Variants in SSBP3 observed in about 807,000 individuals in gnomAD.
SSBP3 encodes the protein single stranded DNA binding protein 3, also known as single-stranded DNA-binding protein 3.
SSBP3 carries 5 observed loss-of-function variants against 69.6 expected under a neutral mutation model. The ratio of observed to expected loss-of-function variants is 0.07; its 90% CI spans 0.04 to 0.15. The LOEUF is 0.15. Among genes scored for constraint, SSBP3 ranks in the 10% least tolerant of loss-of-function variants. The pLI is 1.00. For missense variants in SSBP3, 312 were observed against 534.0 expected, an observed-to-expected ratio of 0.58 and a Z score of 4.10; for synonymous variants, 196 against 193.4, an observed-to-expected ratio of 1.01 and a Z score of -0.11.
intron 4 of SSBP3, among the ~76,000 whole-genome samples, chr1:54,316,235 C>T (rs976183394): frequency 1.3e-5 from 2 of 151,970 alleles, no homozygotes; most frequent in South Asian, 2.1e-4. Flanking sequence ...GGTCCCAGCT[C>T]GGGAGGCTGA....
intron 5 of SSBP3, among the ~76,000 whole-genome samples, chr1:54,270,717 A>T (rs1046512735): frequency 6.6e-6 from 1 of 152,164 alleles, no homozygotes; most frequent in African/African-American, 2.4e-5. Flanking sequence ...CAACAACTCT[A>T]AAGTCTCGAG....
At chr1:54,332,593 C>A (rs1646436896) in intron 4 of SSBP3, among the ~76,000 whole-genome samples, 1 of 152,166 alleles carries the variant, frequency 6.6e-6, no homozygotes, top group Non-Finnish European at 1.5e-5. Context: ...GCTATGTGGC[C>A]TCTAAGAAGT....
At chr1:54,388,827 A>C (rs1648271445) in intron 4 of SSBP3, among the ~76,000 whole-genome samples, 1 of 152,120 alleles carries the variant, frequency 6.6e-6, no homozygotes, top group African/African-American at 2.4e-5. Flanking sequence ...GCCTAAAGAG[A>C]GCTCAGCCAT....
chr1:54,259,654 C>A, intron 5 of SSBP3, among the ~76,000 whole-genome samples: 1 of 152,262 alleles, frequency 6.6e-6, no homozygotes, highest in East Asian at 1.9e-4. Context: ...CCTTCTCCTG[C>A]AGAGCCAGGC....
intron 8 of SSBP3, 38 bp downstream of exon 8, chr1:54,251,756 C>A (rs771225581): frequency 1.2e-6 from 2 of 1,601,782 alleles, no homozygotes; most frequent in Non-Finnish European, 8.5e-7. Context: ...CCCCTCCTGG[C>A]ATCCCCAGCC....
At chr1:54,412,533 C>G (rs1650019588) in intron 1 of SSBP3, among the ~76,000 whole-genome samples, 1 of 151,892 alleles carries the variant, frequency 6.6e-6, no homozygotes, top group African/African-American at 2.4e-5. Context: ...TTGCCAGAGC[C>G]TGGGGAAGGA....
At chr1:54,295,504 C>T (rs1367647016) in intron 4 of SSBP3, among the ~76,000 whole-genome samples, 2 of 152,194 alleles carry the variant, frequency 1.3e-5, no homozygotes, top group African/African-American at 4.8e-5. Context: ...CCAATGGCCT[C>T]CTAACCAAGC....
chr1:54,309,008 T>A (rs988465395), intron 4 of SSBP3, among the ~76,000 whole-genome samples: 1 of 152,180 alleles, frequency 6.6e-6, no homozygotes. Flanking sequence ...ACCTTAACAC[T>A]GCAACAAAAT....
At chr1:54,391,084 G>T (rs1458765679) in intron 4 of SSBP3, among the ~76,000 whole-genome samples, 1 of 152,238 alleles carries the variant, frequency 6.6e-6, no homozygotes, top group South Asian at 2.1e-4. Flanking sequence ...CTCTTAGGTG[G>T]AGGTTTTCTC....
intron 9 of SSBP3, among the ~76,000 whole-genome samples, chr1:54,248,269 C>G (rs1289931655): frequency 6.6e-6 from 1 of 152,216 alleles, no homozygotes; most frequent in East Asian, 1.9e-4. Context: ...GGCTGGCCGC[C>G]CTTCCTGACA....
intron 4 of SSBP3, among the ~76,000 whole-genome samples, chr1:54,367,321 A>G (rs539835023): frequency 5.3e-5 from 8 of 152,168 alleles, no homozygotes; most frequent in Non-Finnish European, 1.0e-4. Flanking sequence ...CCAGGCAATA[A>G]AAGCAGAGAC....
chr1:54,326,260 G>A (rs1279131855), intron 4 of SSBP3: 1 of 152,396 alleles, frequency 6.6e-6, no homozygotes, highest in Non-Finnish European at 1.5e-5. Context: ...CAGAAGCAGG[G>A]GAAATGACGA....
At chr1:54,260,688 C>T (rs1457363680) in intron 5 of SSBP3, among the ~76,000 whole-genome samples, 1 of 152,206 alleles carries the variant, frequency 6.6e-6, no homozygotes, top group African/African-American at 2.4e-5. Context: ...AGCTGACAAG[C>T]AGTAAGGATG....
At chr1:54,276,602 C>CT (rs201152570) in intron 5 of SSBP3, among the ~76,000 whole-genome samples, 2,706 of 53,754 alleles carry the variant, frequency 0.05, 176 homozygotes, top group African/African-American at 0.2. Context: ...GAGTGAGACT[C>CT]TGTCTCAAAA....
chr1:54,256,673 G>A (rs572070021), intron 7 of SSBP3, among the ~76,000 whole-genome samples: 5 of 152,036 alleles, frequency 3.3e-5, no homozygotes, highest in Non-Finnish European at 7.4e-5. Context: ...GCATTCCTAC[G>A]GGCCATTTCC....
chr1:54,296,658 T>G lies in SSBP3; in HGVS notation c.277-15131A>C, dbSNP rs540382636. Among the ~76,000 whole-genome samples, 10 of 152,344 alleles carry G rather than the reference T, an allele frequency of 6.6e-5. No individual in the cohort carries two copies. In the East Asian group the frequency reaches 1.9e-3, roughly 29 times the overall value. On this transcript the variant is annotated intron_variant, in intron 4 of 17. Coordinates refer to ENST00000610401, the Ensembl canonical transcript of SSBP3. ...GAAAACGAGGACAATAAGCACTGCC[T>G]GCCTCACACGACTTGTGAGGGTCAA...
chr1:54,404,180 G>T (rs962050515), intron 3 of SSBP3, among the ~76,000 whole-genome samples: 1 of 151,698 alleles, frequency 6.6e-6, no homozygotes, highest in Non-Finnish European at 1.5e-5. Context: ...GGAGAAAAAG[G>T]AAGGGACAGG....
At chr1:54,259,069 G>A (rs1644972545) in intron 5 of SSBP3, among the ~76,000 whole-genome samples, 2 of 152,082 alleles carry the variant, frequency 1.3e-5, no homozygotes, top group African/African-American at 4.8e-5. Context: ...ACCCCGGACT[G>A]CTGGGCGACT....
chr1:54,294,550 G>C (rs1479708350), intron 4 of SSBP3, among the ~76,000 whole-genome samples: 1 of 152,196 alleles, frequency 6.6e-6, no homozygotes, highest in Non-Finnish European at 1.5e-5. Flanking sequence ...GAGAGGGAGT[G>C]GGGTGGCCTC....
Sources: allele counts gnomAD v4.1 joint callset (sites outside exome capture counted in the v4.1 genomes callset), GRCh38; gene constraint gnomAD v4.1.1; transcripts MANE v1.5; gene names NCBI Gene and HGNC (gene_info 2026-07-23, HGNC 2026-07-21).